Variants in CSMD1 observed in about 807,000 individuals in gnomAD.
CSMD1 encodes CUB and sushi domain-containing protein 1.
CSMD1 carries 213 observed loss-of-function variants against 417.5 expected under a neutral mutation model. The observed-to-expected ratio is 0.51, with a 90% CI of 0.46 to 0.57. The LOEUF is 0.57. CSMD1 is among the 20% of genes least tolerant of loss of function. CSMD1 has a pLI of 0.00. For missense variants in CSMD1, 6,923 were observed against 4,529.7 expected, an observed-to-expected ratio of 1.53 and a Z score of -15.17; for synonymous variants, 2,862 against 1,736.8, an observed-to-expected ratio of 1.65 and a Z score of -16.11.
intron 5 of CSMD1, among the ~76,000 whole-genome samples, chr8:3,819,447 G>C (rs1347294070): frequency 1.3e-5 from 2 of 152,010 alleles, no homozygotes; most frequent in East Asian, 3.9e-4. Context: ...GAAGCTAGAA[G>C]TGCTTCCAAC....
intron 3 of CSMD1, among the ~76,000 whole-genome samples, chr8:4,246,481 G>C (rs925501098): frequency 6.6e-6 from 1 of 152,152 alleles, no homozygotes; most frequent in Non-Finnish European, 1.5e-5. Context: ...TCTTGTTACA[G>C]AGATAAGAGT....
intron 2 of CSMD1, among the ~76,000 whole-genome samples, chr8:4,432,465 C>G (rs996789397): frequency 3.3e-5 from 5 of 152,170 alleles, no homozygotes; most frequent in Non-Finnish European, 7.3e-5. Context: ...CACAAAAACT[C>G]AAGTATCAAT....
chr8:3,300,001 A>C (rs1450371510), intron 25 of CSMD1, among the ~76,000 whole-genome samples: 1 of 152,190 alleles, frequency 6.6e-6, no homozygotes, highest in Non-Finnish European at 1.5e-5. Context: ...AGTGCCCTGG[A>C]GGTGACACAC....
chr8:4,314,460 T>C (rs1299957557), intron 3 of CSMD1, among the ~76,000 whole-genome samples: 1 of 152,188 alleles, frequency 6.6e-6, no homozygotes, highest in Non-Finnish European at 1.5e-5. Context: ...TATAAGCCAA[T>C]TTCAATTGCA....
intron 2 of CSMD1, among the ~76,000 whole-genome samples, chr8:4,498,670 T>A (rs564503580): frequency 6.6e-6 from 1 of 152,304 alleles, no homozygotes; most frequent in South Asian, 2.1e-4. Context: ...AGGGAGCTCA[T>A]GTTTATCGAG....
At chr8:3,863,583 TA>T (rs1282146610) in intron 5 of CSMD1, among the ~76,000 whole-genome samples, 1 of 152,084 alleles carries the variant, frequency 6.6e-6, no homozygotes, top group Non-Finnish European at 1.5e-5. Context: ...AAATATAATC[TA>T]AGCCTGACAT....
At chr8:3,436,049 G>C (rs997510612) in intron 12 of CSMD1, among the ~76,000 whole-genome samples, 5 of 152,066 alleles carry the variant, frequency 3.3e-5, no homozygotes, top group African/African-American at 7.2e-5. Flanking sequence ...CCCTTCACCA[G>C]CACTCCCTTC....
chr8:4,725,727 G>GA (rs1809387824), intron 1 of CSMD1, among the ~76,000 whole-genome samples: 1 of 152,132 alleles, frequency 6.6e-6, no homozygotes, highest in Non-Finnish European at 1.5e-5. Flanking sequence ...AGATAACAGA[G>GA]AAACAATTTG....
intron 2 of CSMD1, among the ~76,000 whole-genome samples, chr8:4,538,946 T>A (rs1797244307): frequency 6.6e-6 from 1 of 152,198 alleles, no homozygotes; most frequent in Admixed American, 6.5e-5. Context: ...AAGCTTTATT[T>A]TTTCAGCAAA....
intron 10 of CSMD1, among the ~76,000 whole-genome samples, chr8:3,516,450 T>A (rs1306825416): frequency 6.6e-6 from 1 of 152,096 alleles, no homozygotes. Flanking sequence ...CCTGGTTGAG[T>A]GAGTCATTGG....
intron 3 of CSMD1, among the ~76,000 whole-genome samples, chr8:4,036,473 A>G (rs753344292): frequency 7.2e-5 from 11 of 152,238 alleles, no homozygotes; most frequent in Admixed American, 2.6e-4. Context: ...GTGTCTGAAA[A>G]GAAATATTTG....
intron 1 of CSMD1, among the ~76,000 whole-genome samples, chr8:4,932,832 T>C (rs572980357): frequency 3.3e-5 from 5 of 152,220 alleles, no homozygotes; most frequent in Admixed American, 6.5e-5. Context: ...CTGGTTCAAA[T>C]TTTCAACTAC....
intron 5 of CSMD1, among the ~76,000 whole-genome samples, chr8:3,774,132 A>G (rs1347650122): frequency 6.6e-6 from 1 of 152,194 alleles, no homozygotes; most frequent in Non-Finnish European, 1.5e-5. Flanking sequence ...AGGTTTGAGC[A>G]TAAATTTACG....
chr8:4,390,438 A>T (rs7815637), intron 3 of CSMD1, among the ~76,000 whole-genome samples: 121,332 of 151,420 alleles, frequency 0.8, 49,222 homozygotes, highest in African/African-American at 0.93. Context: ...TAAATGACAT[A>T]TTGGATGTGT....
intron 60 of CSMD1, among the ~76,000 whole-genome samples, chr8:2,962,956 G>C (rs777156571): frequency 6.6e-6 from 1 of 152,174 alleles, no homozygotes; most frequent in Non-Finnish European, 1.5e-5. Context: ...GCTGAGGTGG[G>C]AGGATGGTTT....
rs1801417930 is a variant in CSMD1 at position 2,935,801 on chromosome 8, A to T, written c.*2784T>A. On this transcript the variant is annotated 3_prime_UTR_variant, in exon 70 of 70. Transcript: ENST00000635120. ...TTCTTTTTTTTACCCCCTTTTTATAATAGCTTTTTGTTGTTGTTTACAAAA... is the reference window on the plus strand; with the variant it reads ...TTCTTTTTTTTACCCCCTTTTTATATTAGCTTTTTGTTGTTGTTTACAAAA... 1 of 152,176 alleles carries T rather than the reference A, an allele frequency of 6.6e-6. No individual in the cohort carries two copies. The highest frequency in any genetic ancestry group is 2.4e-5 in the African/African-American group (1 of 41,428). 9.4% of individuals were successfully genotyped at this position (152,176 alleles called of 1,614,324 possible). A position where few individuals can be genotyped will look rare whatever the true frequency, so the allele number is the denominator to read the frequency against.
At chr8:4,831,666 T>C (rs1258553881) in intron 1 of CSMD1, among the ~76,000 whole-genome samples, 3 of 152,222 alleles carry the variant, frequency 2.0e-5, no homozygotes, top group Non-Finnish European at 4.4e-5. Flanking sequence ...TACTCTGATT[T>C]TTGTTCATAC....
intron 33 of CSMD1, among the ~76,000 whole-genome samples, chr8:3,191,525 A>G (rs538321345): frequency 5.3e-5 from 8 of 152,266 alleles, no homozygotes; most frequent in African/African-American, 1.9e-4. Flanking sequence ...TAGGTTCTGT[A>G]AAATGGGAGG....
At chr8:3,523,665 GCA>G (rs1319239778) in intron 10 of CSMD1, among the ~76,000 whole-genome samples, 3 of 124,996 alleles carry the variant, frequency 2.4e-5, no homozygotes, top group East Asian at 2.4e-4. Flanking sequence ...AGTTACACAT[GCA>G]CACACACGTA....
Sources: allele counts gnomAD v4.1 joint callset (sites outside exome capture counted in the v4.1 genomes callset), GRCh38; gene constraint gnomAD v4.1.1; transcripts MANE v1.5; gene names NCBI Gene and HGNC (gene_info 2026-07-23, HGNC 2026-07-21).